Variants in IQCM observed in about 807,000 individuals in gnomAD.
The protein encoded by IQCM is IQ domain-containing protein M.
IQCM carries 45 observed loss-of-function variants against 57.6 expected under a neutral mutation model. The observed-to-expected ratio is 0.78, with a 90% CI of 0.62 to 1.00. IQCM has a LOEUF of 1.00. Ranked by LOEUF, IQCM falls within the 50% of genes least tolerant of loss-of-function variation. The pLI is 0.00. For synonymous variants in IQCM, 148 were observed against 158.9 expected, an observed-to-expected ratio of 0.93 and a Z score of 0.51; for missense variants, 468 against 511.6, an observed-to-expected ratio of 0.91 and a Z score of 0.82.
intron 5 of IQCM, among the ~76,000 whole-genome samples, chr4:149,726,313 G>A (rs1475375619): frequency 6.6e-6 from 1 of 151,824 alleles, no homozygotes; most frequent in African/African-American, 2.4e-5. Context: ...AAAAAAAATT[G>A]AAGTAATCTC....
At position 149,646,510 on chromosome 4, in the gene IQCM, T is replaced by A. The variant is rs1167771005; in HGVS notation, c.566-25266A>T. Among the ~76,000 whole-genome samples the A allele has an allele frequency of 2.0e-5, 3 of 152,168 alleles. No individual in the cohort carries two copies. The East Asian group carries it at 5.8e-4, about 29-fold the overall frequency. ...ATAATATCACCTTTTACATTCTTAA[T>A]ATTGATAAAAGGACAAAAAAGATAT... On this transcript the variant is annotated intron_variant, in intron 7 of 13. Coordinates refer to ENST00000636793, the MANE Select transcript of IQCM (RefSeq NM_001363507.2).
chr4:149,451,972 A>C (rs1348888919), intron 12 of IQCM, among the ~76,000 whole-genome samples: 1 of 151,794 alleles, frequency 6.6e-6, no homozygotes, highest in South Asian at 2.1e-4. Flanking sequence ...TAAATCCTAT[A>C]AAATCTACAA....
Position 149,779,120 on chromosome 4 carries a change from TAC to T in IQCM, c.-49+36189_-49+36190del, listed in dbSNP as rs1441227843. 4.6e-5 allele frequency among the ~76,000 whole-genome samples: 7 copies of T among 152,138 alleles called. No individual in the cohort carries two copies. The East Asian group carries it at 9.6e-4, about 21-fold the overall frequency. On this transcript the variant is annotated intron_variant, in intron 2 of 13. Transcript: ENST00000636793. ...AAAATTCAGCAAATATTTTAAAAAT[TAC>T]ACACCATGATCAAGTAGAGTTTATT...
At chr4:149,591,693 A>C (rs1239004007) in intron 8 of IQCM, among the ~76,000 whole-genome samples, 1 of 152,114 alleles carries the variant, frequency 6.6e-6, no homozygotes, top group Non-Finnish European at 1.5e-5. Context: ...ATGAGCACAA[A>C]CATGCGGTGT....
intron 12 of IQCM, among the ~76,000 whole-genome samples, chr4:149,452,566 G>A (rs1737234019): frequency 6.6e-6 from 1 of 151,410 alleles, no homozygotes; most frequent in African/African-American, 2.4e-5. Context: ...ACAATAGTGT[G>A]GAAAAGACAG....
In IQCM at chr4:149,662,920, A is replaced by G. The variant is rs146543936; in HGVS notation, c.565+19198T>C. Among the ~76,000 whole-genome samples the G allele has an allele frequency of 9.5e-3, 1,452 of 152,056 alleles. 82 individuals are homozygous for G. The highest frequency in any genetic ancestry group is 0.085 in the Admixed American group (1,289 of 15,248). On this transcript the variant is annotated intron_variant, in intron 7 of 13. Coordinates refer to ENST00000636793, the MANE Select transcript of IQCM (RefSeq NM_001363507.2). Reference sequence around the variant, plus strand: ...TTACATTCTACATTATTATTGATAGATAAGAACTTACTCCTGCAACTTTGT... The same window carrying G: ...TTACATTCTACATTATTATTGATAGGTAAGAACTTACTCCTGCAACTTTGT...
At chr4:149,646,371 T>G (rs1421288581) in intron 7 of IQCM, among the ~76,000 whole-genome samples, 1 of 144,778 alleles carries the variant, frequency 6.9e-6, no homozygotes, top group East Asian at 1.9e-4. Context: ...ATTCTTGAGG[T>G]TTTTTTTTAA....
At chr4:149,375,009 T>TGTGTGTGTGTGTGA (rs55772693) in intron 13 of IQCM, among the ~76,000 whole-genome samples, 183 of 151,210 alleles carry the variant, frequency 1.2e-3, no homozygotes, top group Non-Finnish European at 2.1e-3. Context: ...TGTGTGTGTG[T>TGTGTGTGTGTGTGA]GATGTTCTTT....
At chr4:149,666,981 G>A (rs1233999688) in intron 7 of IQCM, among the ~76,000 whole-genome samples, 1 of 152,162 alleles carries the variant, frequency 6.6e-6, no homozygotes, top group African/African-American at 2.4e-5. Context: ...CCTGGGGGAA[G>A]GGACAGCTGT....
rs1463449051 is a variant in IQCM at position 149,677,166 on chromosome 4, C to G, written c.565+4952G>C. On this transcript the variant is annotated intron_variant, in intron 7 of 13. Transcript: ENST00000636793. ...CATCTTGGGTTCTCTGACAGGAGAT[C>G]TGTCCCTCCCCTGGCCCATAAGAAG... Among the ~76,000 whole-genome samples the G allele has an allele frequency of 3.3e-5, 5 of 152,062 alleles. 1 individual carries two copies. Among genetic ancestry groups the G allele is most frequent in the Non-Finnish European group, 5.9e-5 (4 of 67,966 alleles).
chr4:149,366,023 T>C (rs943213271), intron 13 of IQCM, among the ~76,000 whole-genome samples: 2 of 152,110 alleles, frequency 1.3e-5, no homozygotes, highest in East Asian at 1.9e-4. Flanking sequence ...AGTTATCTCA[T>C]AGATGTTAAT....
At chr4:149,701,912 G>C (rs1246758613) in intron 5 of IQCM, among the ~76,000 whole-genome samples, 1 of 151,844 alleles carries the variant, frequency 6.6e-6, no homozygotes, top group East Asian at 1.9e-4. Context: ...TATTGATGTA[G>C]ATAAGATTCT....
In IQCM at chr4:149,446,831, G is replaced by A. The variant is rs537600943; in HGVS notation, c.1229-13274C>T. ...AATCAAAACTATGAAACCTGAAGAT[G>A]GCTTATATTTTACATGTATTATAAC... is the stretch of plus-strand genomic sequence containing the variant. On this transcript the variant is annotated intron_variant, in intron 12 of 13. Transcript: ENST00000636793. Among the ~76,000 whole-genome samples the A allele has an allele frequency of 1.1e-4, 16 of 151,470 alleles. No individual in the cohort carries two copies. In the South Asian group the frequency reaches 2.9e-3, roughly 28 times the overall value.
At chr4:149,481,062 G>A (rs942535903) in intron 12 of IQCM, among the ~76,000 whole-genome samples, 1 of 152,112 alleles carries the variant, frequency 6.6e-6, no homozygotes, top group African/African-American at 2.4e-5. Flanking sequence ...CTTCTTTGGA[G>A]AAATGGCTAT....
At chr4:149,473,509 A>T (rs1331338941) in intron 12 of IQCM, among the ~76,000 whole-genome samples, 1 of 152,224 alleles carries the variant, frequency 6.6e-6, no homozygotes, top group Non-Finnish European at 1.5e-5. Flanking sequence ...ACATAGGAAC[A>T]GTTTTACAGT....
chr4:149,546,874 T>A (rs1348764870), intron 12 of IQCM, among the ~76,000 whole-genome samples: 1 of 152,162 alleles, frequency 6.6e-6, no homozygotes, highest in Non-Finnish European at 1.5e-5. Context: ...CTTTTGGTGT[T>A]TTAGACATGA....
intron 13 of IQCM, among the ~76,000 whole-genome samples, chr4:149,371,367 A>G (rs997272755): frequency 2.6e-5 from 4 of 152,152 alleles, no homozygotes; most frequent in Non-Finnish European, 5.9e-5. Context: ...TTTCTCTCCA[A>G]TGTAGTACTG....
At chr4:149,744,635 G>T (rs1366333191) in intron 2 of IQCM, among the ~76,000 whole-genome samples, 3 of 152,058 alleles carry the variant, frequency 2.0e-5, no homozygotes, top group Admixed American at 1.3e-4. Flanking sequence ...GGAGCTGGGG[G>T]TGTAGAACGG....
chr4:149,392,052 A>G (rs1011535743), intron 13 of IQCM, among the ~76,000 whole-genome samples: 4 of 150,150 alleles, frequency 2.7e-5, no homozygotes, highest in African/African-American at 4.9e-5. Context: ...CTGTCTACCC[A>G]CTACTGAAAG....
Sources: gnomAD v4.1 joint callset for allele counts (sites outside exome capture counted in the v4.1 genomes callset) on GRCh38, gnomAD v4.1.1 for gene constraint, MANE v1.5 for transcripts, NCBI Gene and HGNC (gene_info 2026-07-23, HGNC 2026-07-21) for gene names.